Variants in TRIO observed in about 807,000 individuals in gnomAD.
TRIO encodes the protein triple functional domain protein.
Under a neutral mutation model 351.9 loss-of-function variants are expected in TRIO, and 58 were observed. The ratio of observed to expected loss-of-function variants is 0.16; its 90% CI spans 0.13 to 0.21. The LOEUF is 0.21. Among genes scored for constraint, TRIO ranks in the 10% least tolerant of loss-of-function variants. The pLI, the probability that TRIO is intolerant of heterozygous loss-of-function variation, is 1.00. For synonymous variants in TRIO, 1,758 were observed against 1,595.7 expected, an observed-to-expected ratio of 1.10 and a Z score of -2.42; for missense variants, 3,201 against 4,027.8, an observed-to-expected ratio of 0.79 and a Z score of 5.56.
intron 1 of TRIO, among the ~76,000 whole-genome samples, chr5:14,196,018 G>C (rs1257101780): frequency 6.6e-6 from 1 of 152,106 alleles, no homozygotes; most frequent in Non-Finnish European, 1.5e-5. Flanking sequence ...GTTGCCTTTG[G>C]GTTGTGGGAT....
intron 28 of TRIO, among the ~76,000 whole-genome samples, chr5:14,396,272 T>G (rs1747568484): frequency 6.6e-6 from 1 of 151,836 alleles, no homozygotes; most frequent in Non-Finnish European, 1.5e-5. Flanking sequence ...TGTTACTGTT[T>G]CTGCTGCGTG....
chr5:14,286,090 CT>C lies in TRIO; in HGVS notation c.348-770del, dbSNP rs576864861. 4.9e-4 allele frequency among the ~76,000 whole-genome samples: 72 copies of C among 146,846 alleles called. No homozygotes were observed. Among genetic ancestry groups the C allele is most frequent in the Admixed American group, 6.1e-4 (9 of 14,714 alleles). ...GATTTAATACAATTAGAAGCTGGCA[CT>C]TTTTTTTTTTAAGTGCAATAATGTG... On this transcript the variant is annotated intron_variant, in intron 3 of 56. Coordinates refer to ENST00000344204, the MANE Select transcript of TRIO (RefSeq NM_007118.4). The surrounding 1 kb of genome is among the most constrained non-coding windows in gnomAD (Gnocchi z 4.4).
At position 14,496,990 on chromosome 5, in the gene TRIO, A is replaced by G; in HGVS notation, c.7992A>G (p.Glu2664=). The G allele has an allele frequency of 6.2e-7, 1 of 1,614,230 alleles. No individual in the cohort carries two copies. The highest frequency in any genetic ancestry group is 8.5e-7 in the Non-Finnish European group (1 of 1,180,030). Residue 2664 remains glutamate, a synonymous_variant, in exon 50 of 57, where the codon GAA becomes GAG. Coordinates refer to ENST00000344204, the MANE Select transcript of TRIO (RefSeq NM_007118.4). ...AGAACGGTTATCGGAAGTCACGGGA[A>G]GGACTCAGCAACAAGGTATCTGTGA... is the stretch of plus-strand genomic sequence containing the variant. ...KLENGYRKSR[E]GLSNKVSVKL...
At chr5:14,480,215 G>C (rs577863579) in intron 43 of TRIO, among the ~76,000 whole-genome samples, 93 of 152,212 alleles carry the variant, frequency 6.1e-4, no homozygotes, top group African/African-American at 2.1e-3. Flanking sequence ...TCAGGAGTGA[G>C]TTTGCTGAAA....
At chr5:14,409,473 A>T (rs766581371) in intron 33 of TRIO, among the ~76,000 whole-genome samples, 1 of 151,808 alleles carries the variant, frequency 6.6e-6, no homozygotes, top group Non-Finnish European at 1.5e-5. Flanking sequence ...TGTGAAGATG[A>T]TTCACCAGTT....
intron 2 of TRIO, 65 bp downstream of exon 2, chr5:14,270,964 A>G: frequency 8.7e-7 from 1 of 1,154,314 alleles, no homozygotes; most frequent in South Asian, 1.3e-5. Context: ...GTCTGACGTA[A>G]TAAATGAACT....
chr5:14,345,177 A>C (rs1742305057), intron 11 of TRIO, among the ~76,000 whole-genome samples: 1 of 152,218 alleles, frequency 6.6e-6, no homozygotes, highest in Non-Finnish European at 1.5e-5. Flanking sequence ...ACATCGGATC[A>C]CTATTTTCAA....
At chr5:14,299,831 T>C (rs1737700171) in intron 7 of TRIO, among the ~76,000 whole-genome samples, 1 of 152,320 alleles carries the variant, frequency 6.6e-6, no homozygotes, top group Middle Eastern at 3.4e-3. Flanking sequence ...GACTCCATGG[T>C]TAATGAGCTT....
Position 14,496,859 on chromosome 5 carries a change from A to T in TRIO, c.7881-20A>T. On this transcript the variant is annotated intron_variant, in intron 49 of 56. Transcript: ENST00000344204. ...AATGTTGGAAAGGCATAATACCCAC[A>T]GTGTGTTCATTTCCCCTAGGAAGTC... The T allele has an allele frequency of 6.2e-7, 1 of 1,613,418 alleles. No homozygotes were observed. Among genetic ancestry groups the T allele is most frequent in the South Asian group, 1.1e-5 (1 of 91,002 alleles).
At chr5:14,254,251 T>C (rs768203789) in intron 1 of TRIO, among the ~76,000 whole-genome samples, 1 of 150,532 alleles carries the variant, frequency 6.6e-6, no homozygotes, top group Non-Finnish European at 1.5e-5. Flanking sequence ...TGGCATGATA[T>C]CGGCTCACTG....
chr5:14,294,700 G>C (rs1486044821), intron 6 of TRIO, among the ~76,000 whole-genome samples: 5 of 152,264 alleles, frequency 3.3e-5, no homozygotes, highest in African/African-American at 1.2e-4. Flanking sequence ...ATGTGACCTT[G>C]GGAAGGCTGT....
intron 16 of TRIO, among the ~76,000 whole-genome samples, chr5:14,367,302 G>A (rs1744688902): frequency 6.6e-6 from 1 of 152,172 alleles, no homozygotes; most frequent in African/African-American, 2.4e-5. Context: ...CATCTGGAAT[G>A]GCTCAGAACC....
At chr5:14,358,127 C>T in intron 11 of TRIO, 51 bp from the exon 12 acceptor site, 1 of 1,574,084 alleles carries the variant, frequency 6.4e-7, no homozygotes, top group Non-Finnish European at 8.6e-7. Context: ...GGCGGCCCAC[C>T]TGGTGGTGCA....
intron 33 of TRIO, among the ~76,000 whole-genome samples, chr5:14,408,179 T>G (rs1171296163): frequency 6.6e-6 from 1 of 152,218 alleles, no homozygotes; most frequent in Non-Finnish European, 1.5e-5. Context: ...GTGGCACATC[T>G]TTTAGTCCCA....
intron 2 of TRIO, among the ~76,000 whole-genome samples, chr5:14,278,424 A>G (rs1735724622): frequency 6.6e-6 from 1 of 152,208 alleles, no homozygotes; most frequent in Admixed American, 6.5e-5. Flanking sequence ...CTATGGAATC[A>G]AACATCATGC....
intron 29 of TRIO, among the ~76,000 whole-genome samples, 179 bp from the exon 30 acceptor site, chr5:14,398,701 G>T (rs1747818525): frequency 6.6e-6 from 1 of 152,218 alleles, no homozygotes; most frequent in Admixed American, 6.5e-5. Context: ...GGTGTGTTAG[G>T]AAGAATTATC....
At chr5:14,149,517 C>T (rs1742112110) in intron 1 of TRIO, among the ~76,000 whole-genome samples, 1 of 152,134 alleles carries the variant, frequency 6.6e-6, no homozygotes, top group South Asian at 2.1e-4. Flanking sequence ...AATCACCTGC[C>T]CCCCGGGAAA....
rs1056760034 is a variant in TRIO at position 14,397,023 on chromosome 5, T to A, written c.4312-20T>A. ...AGCATTCTGCAGTCTTTACCTAGTTTCTGTTGTTTATCTTTGCAGGAGCTG... is the reference window on the plus strand; with the variant it reads ...AGCATTCTGCAGTCTTTACCTAGTTACTGTTGTTTATCTTTGCAGGAGCTG... On this transcript the variant is annotated intron_variant, in intron 28 of 56. Coordinates refer to ENST00000344204, the MANE Select transcript of TRIO (RefSeq NM_007118.4). 1.3e-6 allele frequency: 2 copies of A among 1,584,556 alleles called. No homozygotes were observed. The highest frequency in any genetic ancestry group is 1.7e-6 in the Non-Finnish European group (2 of 1,165,596).
intron 41 of TRIO, chr5:14,477,331 C>T (rs376303830): frequency 4.2e-4 from 70 of 166,528 alleles, no homozygotes; most frequent in Non-Finnish European, 5.4e-4. Context: ...CGAAAATAAG[C>T]GTATTAACAT....
Sources: allele counts gnomAD v4.1 joint callset (sites outside exome capture counted in the v4.1 genomes callset), GRCh38; gene constraint gnomAD v4.1.1; non-coding constraint Gnocchi (gnomAD v3.1); transcripts MANE v1.5; gene names NCBI Gene and HGNC (gene_info 2026-07-23, HGNC 2026-07-21).